Variants in CSMD3 observed in about 807,000 individuals in gnomAD.
CSMD3 encodes CUB and sushi domain-containing protein 3.
In CSMD3, 177 loss-of-function variants were observed where a neutral mutation model predicts 435.2. The ratio of observed to expected loss-of-function variants is 0.41; its 90% CI spans 0.36 to 0.46. The LOEUF is 0.46. CSMD3 is among the 20% of genes least tolerant of loss of function. The pLI is 0.34. For synonymous variants in CSMD3, 1,656 were observed against 1,520.5 expected, an observed-to-expected ratio of 1.09 and a Z score of -2.07; for missense variants, 4,265 against 4,504.6, an observed-to-expected ratio of 0.95 and a Z score of 1.52.
chr8:113,114,664 C>A (rs756629649), intron 4 of CSMD3, among the ~76,000 whole-genome samples: 4 of 151,992 alleles, frequency 2.6e-5, no homozygotes, highest in Non-Finnish European at 5.9e-5. Context: ...AAAAAGCATC[C>A]TACTGTAGAC....
chr8:112,873,214 G>A (rs934121460), intron 10 of CSMD3, among the ~76,000 whole-genome samples: 2 of 151,926 alleles, frequency 1.3e-5, no homozygotes, highest in Non-Finnish European at 2.9e-5. Context: ...GGAATTTGCA[G>A]CTAGAACTAA....
chr8:112,390,834 G>T, intron 35 of CSMD3, 46 bp from the exon 36 acceptor site: 2 of 1,576,444 alleles, frequency 1.3e-6, no homozygotes, highest in Non-Finnish European at 1.7e-6. Flanking sequence ...CTAATGCAAA[G>T]GATTAAAATA....
intron 4 of CSMD3, among the ~76,000 whole-genome samples, chr8:113,113,460 G>T (rs558985585): frequency 2.0e-5 from 3 of 152,216 alleles, no homozygotes; most frequent in South Asian, 4.1e-4. Context: ...ATAGAAAATA[G>T]CTATGTGTCA....
At chr8:113,060,604 A>T (rs2088570831) in intron 5 of CSMD3, among the ~76,000 whole-genome samples, 2 of 152,126 alleles carry the variant, frequency 1.3e-5, no homozygotes, top group African/African-American at 2.4e-5. Context: ...CTTATTTAAA[A>T]TTTTTGCTTT....
At chr8:113,105,470 A>G (rs1050609720) in intron 4 of CSMD3, among the ~76,000 whole-genome samples, 1 of 152,130 alleles carries the variant, frequency 6.6e-6, no homozygotes, top group Admixed American at 6.6e-5. Context: ...GACTCAAAAG[A>G]TTTACATTAG....
intron 32 of CSMD3, among the ~76,000 whole-genome samples, chr8:112,409,440 C>CA (rs1832147052): frequency 6.6e-6 from 1 of 151,902 alleles, no homozygotes; most frequent in Non-Finnish European, 1.5e-5. Context: ...ATAAGATAGA[C>CA]ACAGTTTTAA....
chr8:112,232,773 C>G (rs1158206308), intron 68 of CSMD3, among the ~76,000 whole-genome samples: 1 of 152,144 alleles, frequency 6.6e-6, no homozygotes, highest in Non-Finnish European at 1.5e-5. Context: ...TGGATTTGAG[C>G]TTATTTGAGA....
intron 67 of CSMD3, 32 bp downstream of exon 67, chr8:112,237,158 G>T (rs756492105): frequency 6.2e-7 from 1 of 1,602,558 alleles, no homozygotes; most frequent in Non-Finnish European, 8.5e-7. Context: ...AAGTCATGAA[G>T]GTATATTTCG....
intron 11 of CSMD3, among the ~76,000 whole-genome samples, chr8:112,831,620 A>G (rs1587423527): frequency 1.4e-5 from 2 of 144,288 alleles, no homozygotes; most frequent in East Asian, 2.1e-4. Flanking sequence ...ATATGTTTAT[A>G]TATCATTTAT....
At chr8:112,276,967 A>T (rs1371192506) in intron 59 of CSMD3, among the ~76,000 whole-genome samples, 1 of 151,854 alleles carries the variant, frequency 6.6e-6, no homozygotes, top group South Asian at 2.1e-4. Flanking sequence ...TTGACTCACA[A>T]AACCATTTTT....
intron 4 of CSMD3, among the ~76,000 whole-genome samples, chr8:113,118,005 C>T (rs1480443): frequency 0.61 from 92,149 of 152,032 alleles, 30,397 homozygotes; most frequent in East Asian, 0.95. Context: ...ACCTTGGAAT[C>T]GGACTTTTTG....
At chr8:113,123,965 T>C (rs2131645567) in intron 4 of CSMD3, among the ~76,000 whole-genome samples, 2 of 152,102 alleles carry the variant, frequency 1.3e-5, no homozygotes, top group Middle Eastern at 6.8e-3. Context: ...CCTAATTTAA[T>C]TCCATACTGG....
At chr8:113,236,803 ATCTATCTATCTATCTATCTC>A (rs1348123998) in intron 3 of CSMD3, among the ~76,000 whole-genome samples, 1 of 150,894 alleles carries the variant, frequency 6.6e-6, no homozygotes, top group East Asian at 1.9e-4. Flanking sequence ...ACCGCCTCTC[ATCTATCTATCTATCTATCTC>A]TCTATCTATC....
chr8:112,829,653 G>T (rs755929516), intron 12 of CSMD3, 33 bp downstream of exon 12: 1 of 1,291,708 alleles, frequency 7.7e-7, no homozygotes, highest in South Asian at 1.2e-5. Context: ...GTACCCGATA[G>T]GCTAAGGCAA....
intron 12 of CSMD3, among the ~76,000 whole-genome samples, chr8:112,811,278 T>G (rs1489939865): frequency 6.6e-6 from 1 of 151,916 alleles, no homozygotes; most frequent in African/African-American, 2.4e-5. Flanking sequence ...ATGTAAAAAT[T>G]TTCTTGAAAT....
At chr8:113,309,542 T>G (rs1368772357) in intron 2 of CSMD3, 1 of 152,218 alleles carries the variant, frequency 6.6e-6, no homozygotes, top group African/African-American at 2.4e-5. Context: ...ACACTTACAC[T>G]TACATTTGAT....
intron 11 of CSMD3, among the ~76,000 whole-genome samples, chr8:112,833,383 A>G (rs1187083741): frequency 1.3e-5 from 2 of 151,886 alleles, no homozygotes; most frequent in African/African-American, 2.4e-5. Context: ...TGAAAGTGGT[A>G]TTTTATCTTT....
intron 27 of CSMD3, 42 bp downstream of exon 27, chr8:112,550,629 C>G (rs755557242): frequency 9.6e-7 from 1 of 1,041,082 alleles, no homozygotes; most frequent in Non-Finnish European, 1.5e-6. Context: ...ATTTACATCA[C>G]CTTCCTATTT....
chr8:112,859,408 A>G (rs1420599580), intron 10 of CSMD3, 142 bp from the exon 11 acceptor site: 12 of 737,960 alleles, frequency 1.6e-5, no homozygotes, highest in Admixed American at 2.2e-5. Context: ...TTCTAATGTC[A>G]CTTATCAAAA....
Sources: allele counts gnomAD v4.1 joint callset (sites outside exome capture counted in the v4.1 genomes callset), GRCh38; gene constraint gnomAD v4.1.1; transcripts MANE v1.5; gene names NCBI Gene and HGNC (gene_info 2026-07-23, HGNC 2026-07-21).